PCDHGB1: variants seen among roughly 807,000 people sequenced by gnomAD.
PCDHGB1 encodes protocadherin gamma subfamily B, 1, also known as protocadherin gamma-B1.
In PCDHGB1, 34 loss-of-function variants were observed where a neutral mutation model predicts 56.6. The observed-to-expected ratio is 0.60, with a 90% CI of 0.46 to 0.80. PCDHGB1 has a LOEUF of 0.80. Ranked by LOEUF, PCDHGB1 falls within the 30% of genes least tolerant of loss-of-function variation. PCDHGB1 has a pLI of 0.00. For synonymous variants in PCDHGB1, 561 were observed against 505.9 expected (o/e 1.11, Z -1.46); for missense variants, 1,278 against 1,204.6 (o/e 1.06, Z -0.90).
chr5:141,422,069 C>A, intron 1 of PCDHGB1: 3 of 1,611,836 alleles, frequency 1.9e-6, no homozygotes, highest in Non-Finnish European at 2.5e-6. Flanking sequence ...GTAATGTATT[C>A]ATTTCGGAAC....
intron 1 of PCDHGB1, chr5:141,356,119 C>A: frequency 6.2e-7 from 1 of 1,613,794 alleles, no homozygotes; most frequent in Non-Finnish European, 8.5e-7. Flanking sequence ...ATTGGGGGGT[C>A]TAGATTATGA....
At chr5:141,385,488 T>G in intron 1 of PCDHGB1, 1 of 1,400,248 alleles carries the variant, frequency 7.1e-7, no homozygotes, top group Non-Finnish European at 9.3e-7. Flanking sequence ...ATAGAACACA[T>G]AGGATATAGT....
chr5:141,383,681 T>G (rs1299329378), intron 1 of PCDHGB1: 2 of 1,613,902 alleles, frequency 1.2e-6, no homozygotes, highest in Non-Finnish European at 1.7e-6. Flanking sequence ...GGTACAAGAC[T>G]GCTCACGGTA....
At chr5:141,499,061 G>A (rs1300036203) in intron 2 of PCDHGB1, among the ~76,000 whole-genome samples, 1 of 151,914 alleles carries the variant, frequency 6.6e-6, no homozygotes, top group African/African-American at 2.4e-5. Flanking sequence ...AAATGAAGAA[G>A]ACTTACATTC....
intron 1 of PCDHGB1, chr5:141,420,076 TCCC>T: frequency 1.9e-6 from 3 of 1,613,956 alleles, no homozygotes; most frequent in Non-Finnish European, 2.5e-6. Context: ...GACCTGTGGG[TCCC>T]CCCAACTACA....
chr5:141,393,664 T>A, intron 1 of PCDHGB1: 1 of 1,613,772 alleles, frequency 6.2e-7, no homozygotes. Context: ...TTCCGGAAAA[T>A]TAATGAAAAA....
Position 141,350,906 on chromosome 5 carries a change from G to T in PCDHGB1, c.646G>T (p.Asp216Tyr). 6.2e-7 allele frequency: 1 copy of T among 1,613,976 alleles called. No individual in the cohort carries two copies. Among genetic ancestry groups the T allele is most frequent in the Admixed American group, 1.7e-5 (1 of 60,034 alleles). Residue 216 changes from aspartate to tyrosine, a missense_variant, in exon 1 of 4, where the codon GAC (aspartate) becomes TAC (tyrosine). Transcript: ENST00000523390. ...RLILTAMDGG[D>Y]PPLSGTTHIW... ...AATCCTGACTGCCATGGATGGCGGG[G>T]ACCCGCCTCTAAGCGGCACCACCCA...
At chr5:141,482,530 C>CAAAAAA (rs3074545) in intron 1 of PCDHGB1, among the ~76,000 whole-genome samples, 68 of 76,370 alleles carry the variant, frequency 8.9e-4, no homozygotes, top group African/African-American at 1.2e-3. Context: ...GACAGACATG[C>CAAAAAA]AAAAAAAAAA....
At chr5:141,411,423 CA>C (rs200531177) in intron 1 of PCDHGB1, 3 of 147,666 alleles carry the variant, frequency 2.0e-5, no homozygotes, top group Admixed American at 6.8e-5. Context: ...ACAACAACAA[CA>C]AAAAAAAACA....
rs2097718776 is a variant in PCDHGB1, at chr5:141,434,813, T to C, written c.2410-59994T>C. On this transcript the variant is annotated intron_variant, in intron 1 of 3. Coordinates refer to ENST00000523390, the MANE Select transcript of PCDHGB1 (RefSeq NM_018922.3). ...TTTTTTCTGAGCTTGGAGAAATATA[T>C]CCCTTAGTACACTTGGCATTTATAA... Among the ~76,000 whole-genome samples, 5 of 151,962 alleles carry C rather than the reference T, an allele frequency of 3.3e-5. No individual in the cohort carries two copies. In the South Asian group the frequency reaches 1.0e-3, roughly 32 times the overall value.
At position 141,428,400 on chromosome 5, in the gene PCDHGB1, G is replaced by T. The variant is rs373595231; in HGVS notation, c.2410-66407G>T. 3 of 483,290 alleles carry T rather than the reference G, an allele frequency of 6.2e-6. No individual in the cohort carries two copies. The East Asian group carries it at 1.2e-4, about 20-fold the overall frequency. 29.9% of individuals were successfully genotyped at this position (483,290 alleles called of 1,614,324 possible). ...GATGCTCTTCCAGCCCCTCTGCCTGGGGTTGCTTTCACCCTGGTCTCTGTT... is the reference window on the plus strand; with the variant it reads ...GATGCTCTTCCAGCCCCTCTGCCTGTGGTTGCTTTCACCCTGGTCTCTGTT... On this transcript the variant is annotated intron_variant, in intron 1 of 3. Coordinates refer to ENST00000523390, the MANE Select transcript of PCDHGB1 (RefSeq NM_018922.3).
chr5:141,360,540 G>T, intron 1 of PCDHGB1: 1 of 1,613,928 alleles, frequency 6.2e-7, no homozygotes, highest in Non-Finnish European at 8.5e-7. Context: ...TATTCAAACA[G>T]ACTAAGATTA....
At chr5:141,426,021 A>G (rs1590662256) in intron 1 of PCDHGB1, among the ~76,000 whole-genome samples, 2 of 152,312 alleles carry the variant, frequency 1.3e-5, no homozygotes, top group East Asian at 3.9e-4. Context: ...AGTTTTCTAA[A>G]TAGACTCAGA....
In PCDHGB1 at chr5:141,419,578, G is replaced by A. The variant is rs1339676992; in HGVS notation, c.2409+66909G>A. The A allele has an allele frequency of 1.9e-6, 3 of 1,611,604 alleles. No individual in the cohort carries two copies. In the Admixed American group the frequency reaches 5.0e-5, roughly 27 times the overall value. On this transcript the variant is annotated intron_variant, in intron 1 of 3. Transcript: ENST00000523390. ...CTGCGCTGGGTCCCGACGGCTCCGC[G>A]CTCTTCGACACAGTGCCGCGGGCCG...
At position 141,476,518 on chromosome 5, in the gene PCDHGB1, T is replaced by C; in HGVS notation, c.2410-18289T>C. 1 of 1,614,214 alleles carries C rather than the reference T, an allele frequency of 6.2e-7. No individual in the cohort carries two copies. Among genetic ancestry groups the C allele is most frequent in the Non-Finnish European group, 8.5e-7 (1 of 1,180,038 alleles). ...AGGACATCAACGACAACAATCCTGC[T>C]TTCCCTACCCAGGAAATGAAATTGG... is the stretch of plus-strand genomic sequence containing the variant. On this transcript the variant is annotated intron_variant, in intron 1 of 3. Transcript: ENST00000523390. This position sits in a 1 kb window ranked among gnomAD's most constrained non-coding sequence, Gnocchi z 7.6.
chr5:141,398,369 G>A (rs889057054), intron 1 of PCDHGB1: 2 of 1,428,778 alleles, frequency 1.4e-6, no homozygotes, highest in African/African-American at 2.9e-5. Context: ...AGCGCAGAGA[G>A]CGGGGAGTTG....
chr5:141,356,270 A>G lies in PCDHGB1; in HGVS notation c.2409+3601A>G, dbSNP rs751472146. On this transcript the variant is annotated intron_variant, in intron 1 of 3. Transcript: ENST00000523390. ...GTTACATCTCTCACCAGCTCAGTCC[A>G]GGAATCTTCTTCCCCGGGTACAGTA... is the stretch of plus-strand genomic sequence containing the variant. 3.8e-6 allele frequency: 6 copies of G among 1,562,512 alleles called. No homozygotes were observed. In the South Asian group the frequency reaches 4.7e-5, roughly 12 times the overall value.
intron 1 of PCDHGB1, 143 bp from the exon 2 acceptor site, chr5:141,494,664 A>T: frequency 6.7e-7 from 1 of 1,500,298 alleles, no homozygotes; most frequent in Non-Finnish European, 8.9e-7. Flanking sequence ...GTCTTTGGAG[A>T]TGAGTCCACC....
intron 1 of PCDHGB1, among the ~76,000 whole-genome samples, chr5:141,494,034 A>T (rs1206242414): frequency 1.3e-5 from 2 of 152,162 alleles, no homozygotes; most frequent in Non-Finnish European, 2.9e-5. Flanking sequence ...CTGGAGACTT[A>T]GTTGGCCCTG....
Sources: allele counts gnomAD v4.1 joint callset (sites outside exome capture counted in the v4.1 genomes callset), GRCh38; gene constraint gnomAD v4.1.1; non-coding constraint Gnocchi (gnomAD v3.1); transcripts MANE v1.5; gene names NCBI Gene and HGNC (gene_info 2026-07-23, HGNC 2026-07-21).